Variants in TCEA2 observed in about 807,000 individuals in gnomAD.
The protein encoded by TCEA2 is transcription elongation factor A2, also known as transcription elongation factor A protein 2.
A neutral mutation model predicts 40.8 loss-of-function variants in TCEA2; 21 were observed. The observed-to-expected ratio is 0.51, with a 90% confidence interval of 0.36 to 0.74. The LOEUF (loss-of-function observed/expected upper bound fraction) is 0.74, where lower values mean the gene tolerates loss of function less well. Among genes scored for constraint, TCEA2 ranks in the 30% least tolerant of loss-of-function variants. The pLI is 0.00. For missense variants in TCEA2, 326 were observed against 426.5 expected, an observed-to-expected ratio of 0.76 and a Z score of 2.08; for synonymous variants, 165 against 162.7, an observed-to-expected ratio of 1.01 and a Z score of -0.11.
At chr20:64,066,893 A>G in intron 2 of TCEA2, 22 bp from the exon 3 acceptor site, 2 of 1,611,996 alleles carry the variant, frequency 1.2e-6, no homozygotes, top group Non-Finnish European at 1.7e-6. Flanking sequence ...GCCTCCCCCA[A>G]CCCAGACCAC....
upstream of TCEA2, among the ~76,000 whole-genome samples, chr20:64,059,697 A>G (rs146270347): frequency 1.2e-3 from 187 of 152,266 alleles, 1 homozygote; most frequent in African/African-American, 4.4e-3. Context: ...GTTCTCGACC[A>G]GCTCCCAGCT....
chr20:64,068,226 C>A, intron 4 of TCEA2, 92 bp downstream of exon 4: 1 of 1,168,024 alleles, frequency 8.6e-7, no homozygotes, highest in South Asian at 1.3e-5. Flanking sequence ...TGCCTAGGCA[C>A]TGCTTTGAGG....
chr20:64,070,893 A>T, intron 8 of TCEA2, among the ~76,000 whole-genome samples: 1 of 152,216 alleles, frequency 6.6e-6, no homozygotes, highest in East Asian at 1.9e-4. Flanking sequence ...GGCCTGGCCC[A>T]GCCCAGCCTG....
chr20:64,060,981 A>G (rs1048868022), upstream of TCEA2, among the ~76,000 whole-genome samples: 1 of 142,972 alleles, frequency 7.0e-6, no homozygotes, highest in African/African-American at 2.6e-5. Flanking sequence ...TTTGTATTTT[A>G]GTAGAGACGG....
chr20:64,059,957 G>C (rs1231980160), upstream of TCEA2, among the ~76,000 whole-genome samples: 2 of 152,114 alleles, frequency 1.3e-5, no homozygotes, highest in Non-Finnish European at 2.9e-5. Flanking sequence ...CTGGCTCCTT[G>C]ATAGTGACTT....
Position 64,063,309 on chromosome 20 carries a change from G to A in TCEA2, c.-4G>A, listed in dbSNP as rs1427576191. ...CGGGCGCGGGGGTCGCTGCTCCTGA[G>A]GCGATGATGGGCAAGGAAGAGGAGA... On this transcript the variant is annotated 5_prime_UTR_variant, in exon 1 of 10. Transcript: ENST00000343484. 14 of 1,539,968 alleles carry A rather than the reference G, an allele frequency of 9.1e-6. No individual in the cohort carries two copies. The highest frequency in any genetic ancestry group is 1.2e-5 in the Non-Finnish European group (14 of 1,143,860).
At chr20:64,060,375 C>T (rs941552573), upstream of TCEA2, among the ~76,000 whole-genome samples, 9 of 152,328 alleles carry the variant, frequency 5.9e-5, no homozygotes, top group East Asian at 1.9e-4. Flanking sequence ...TCTTTGTGGA[C>T]GGTGGGAACC....
At chr20:64,060,348 C>A (rs531286595), upstream of TCEA2, among the ~76,000 whole-genome samples, 27 of 152,344 alleles carry the variant, frequency 1.8e-4, no homozygotes, top group African/African-American at 6.3e-4. Flanking sequence ...AGGCAGGCTC[C>A]ATGGATGTGG....
At chr20:64,060,935 G>A (rs1352363621), upstream of TCEA2, among the ~76,000 whole-genome samples, 3 of 150,842 alleles carry the variant, frequency 2.0e-5, no homozygotes, top group South Asian at 4.2e-4. Context: ...GACTACAGGC[G>A]CATGCCGCCA....
At chr20:64,063,750 C>G (rs892899312) in intron 1 of TCEA2, 1 of 244,688 alleles carries the variant, frequency 4.1e-6, no homozygotes, top group Non-Finnish European at 8.0e-6. Context: ...GGCCCTGTCC[C>G]GCCTCTCGGA....
intron 4 of TCEA2, among the ~76,000 whole-genome samples, chr20:64,068,460 T>C (rs1363451393): frequency 6.6e-6 from 1 of 152,204 alleles, no homozygotes; most frequent in Non-Finnish European, 1.5e-5. Context: ...TGGCCCACTC[T>C]GGCTTCCCCC....
At chr20:64,066,364 G>A in intron 1 of TCEA2, 112 bp from the exon 2 acceptor site, 2 of 1,363,134 alleles carry the variant, frequency 1.5e-6, no homozygotes, top group Non-Finnish European at 1.0e-6. Context: ...TTTGACCCCA[G>A]GTTGAATCTC....
At chr20:64,055,727 G>A (rs943289731), upstream of TCEA2, among the ~76,000 whole-genome samples, 39 of 152,240 alleles carry the variant, frequency 2.6e-4, no homozygotes, top group African/African-American at 8.9e-4. The surrounding 1 kb of genome is among the most constrained non-coding windows in gnomAD (Gnocchi z 4.0). Flanking sequence ...ACGTGAAGAC[G>A]GGGCTGTGCG....
upstream of TCEA2, among the ~76,000 whole-genome samples, chr20:64,058,473 C>T (rs928839540): frequency 4.6e-5 from 7 of 152,126 alleles, no homozygotes; most frequent in Non-Finnish European, 8.8e-5. The surrounding 1 kb of genome is among the most constrained non-coding windows in gnomAD (Gnocchi z 6.7). Flanking sequence ...TGTGGCCATG[C>T]CCAGGGCCCC....
chr20:64,064,817 G>A (rs552919818), intron 1 of TCEA2, among the ~76,000 whole-genome samples: 2 of 152,338 alleles, frequency 1.3e-5, no homozygotes, highest in Non-Finnish European at 2.9e-5. Context: ...TCAGCACAAA[G>A]TAGGGGTCTG....
At chr20:64,061,013 C>G (rs1459218154), upstream of TCEA2, among the ~76,000 whole-genome samples, 1 of 149,336 alleles carries the variant, frequency 6.7e-6, no homozygotes, top group East Asian at 2.0e-4. Context: ...GTTGCCCAGG[C>G]TGGTCTCAAA....
In TCEA2 at chr20:64,063,241, CGGCCGG is replaced by C; in HGVS notation, c.-63_-58del. 5.9e-6 allele frequency: 8 copies of C among 1,359,104 alleles called. No individual in the cohort carries two copies. The highest frequency in any genetic ancestry group is 7.6e-6 in the Non-Finnish European group (8 of 1,048,876). 84.2% of individuals were successfully genotyped at this position (1,359,104 alleles called of 1,614,324 possible). On this transcript the variant is annotated 5_prime_UTR_variant, in exon 1 of 10. Coordinates refer to ENST00000343484, the MANE Select transcript of TCEA2 (RefSeq NM_003195.6). ...CTGCGGCGGGTGTGGGAGGTGGCGA[CGGCCGG>C]GGCCGGGGTCCTGCCCGGCTGCGGA...
At chr20:64,060,966 G>GT (rs898584402), upstream of TCEA2, among the ~76,000 whole-genome samples, 26 of 145,592 alleles carry the variant, frequency 1.8e-4, no homozygotes, top group African/African-American at 5.6e-4. Flanking sequence ...ATTTTTTTTT[G>GT]TTTTTTTGTA....
chr20:64,060,407 C>T (rs1248427093), upstream of TCEA2, among the ~76,000 whole-genome samples: 2 of 152,238 alleles, frequency 1.3e-5, no homozygotes, highest in South Asian at 2.1e-4. Flanking sequence ...CCTGGCCGCC[C>T]GGACCTCCGA....
Sources: gnomAD v4.1 joint callset for allele counts (sites outside exome capture counted in the v4.1 genomes callset) on GRCh38, gnomAD v4.1.1 for gene constraint, Gnocchi (gnomAD v3.1) non-coding constraint, MANE v1.5 for transcripts, NCBI Gene and HGNC (gene_info 2026-07-23, HGNC 2026-07-21) for gene names.